The following NOP14 variants were observed in gnomAD, a reference collection of about 807,000 sequenced individuals.
The protein encoded by NOP14 is nucleolar protein 14.
NOP14 carries 57 observed loss-of-function variants against 101.6 expected under a neutral mutation model. The observed-to-expected ratio is 0.56, with a 90% CI of 0.45 to 0.70. The LOEUF is 0.70. NOP14 is among the 30% of genes least tolerant of loss of function. The probability of loss-of-function intolerance (pLI) is 0.00; values close to 1 mark genes in which losing one functional copy is unlikely to be tolerated. For missense variants in NOP14, 1,134 were observed against 1,075.5 expected, an observed-to-expected ratio of 1.05 and a Z score of -0.76; for synonymous variants, 428 against 424.0, an observed-to-expected ratio of 1.01 and a Z score of -0.12.
chr4:2,953,792 T>A lies in NOP14; in HGVS notation c.613-147A>T, dbSNP rs1348873709. The A allele has an allele frequency of 9.5e-6, 8 of 846,480 alleles. No homozygotes were observed. The East Asian group carries it at 2.0e-4, about 21-fold the overall frequency. The allele number at this position is 846,480 out of a possible 1,614,324, so 52.4% of individuals were successfully genotyped here. A position where few individuals can be genotyped will look rare whatever the true frequency, so the allele number is the denominator to read the frequency against. On this transcript the variant is annotated intron_variant, in intron 4 of 17. Coordinates refer to ENST00000416614, the MANE Select transcript of NOP14 (RefSeq NM_001291978.2). ...CAGAAAAGAGGCCAGGAGAAATGAG[T>A]ATTTTAAATGCAAAGCTACCAAATC...
Position 2,957,657 on chromosome 4 carries a change from G to C in NOP14, c.279C>G (p.Ser93Arg), listed in dbSNP as rs764907097. 4 of 1,614,096 alleles carry C rather than the reference G, an allele frequency of 2.5e-6. No individual in the cohort carries two copies. Among genetic ancestry groups the C allele is most frequent in the Non-Finnish European group, 3.4e-6 (4 of 1,179,992 alleles). Residue 93 changes from serine (S) to arginine (R), a missense_variant, in exon 2 of 18, where the codon AGC (serine) becomes AGG (arginine). By Grantham distance (110) the Ser-to-Arg change is moderately radical. Coordinates refer to ENST00000416614, the MANE Select transcript of NOP14 (RefSeq NM_001291978.2). ...TCATCTTCTCCTCGGGGCTCATGTT[G>C]CTGTTGTATTCTCCGAAGCGTTTAT... ...FRDKRFGEYN[S>R]NMSPEEKMMK...
At chr4:2,939,080 C>T in intron 17 of NOP14, 108 bp downstream of exon 17, 1 of 1,544,446 alleles carries the variant, frequency 6.5e-7, no homozygotes, top group Non-Finnish European at 8.9e-7. Context: ...CAACCCCCAG[C>T]CAGAGCCAAG....
At chr4:2,948,137 C>T (rs889921121) in intron 9 of NOP14, 141 bp downstream of exon 9, 2 of 1,114,064 alleles carry the variant, frequency 1.8e-6, no homozygotes, top group Non-Finnish European at 2.5e-6. Context: ...TCCCAGCCAT[C>T]ATCATAGGTA....
At chr4:2,951,538 C>T (rs1053760290) in intron 6 of NOP14, among the ~76,000 whole-genome samples, 11 of 152,212 alleles carry the variant, frequency 7.2e-5, no homozygotes, top group African/African-American at 2.7e-4. Flanking sequence ...TGGCCAGCCC[C>T]GACTGGGACT....
At chr4:2,943,359 A>G (rs938774861) in intron 13 of NOP14, among the ~76,000 whole-genome samples, 8 of 152,206 alleles carry the variant, frequency 5.3e-5, no homozygotes, top group African/African-American at 1.9e-4. Context: ...TTGAGGTCCA[A>G]CCTCTGGTCA....
chr4:2,940,297 C>T (rs1714058945), intron 15 of NOP14: 1 of 152,822 alleles, frequency 6.5e-6, no homozygotes. Flanking sequence ...CTTTCTCCTG[C>T]ACAGGTGTGT....
intron 9 of NOP14, 36 bp downstream of exon 9, chr4:2,948,242 C>T: frequency 6.4e-7 from 1 of 1,559,406 alleles, no homozygotes; most frequent in Non-Finnish European, 8.6e-7. Context: ...GCTATGCTGA[C>T]ACTCCCAGCG....
intron 13 of NOP14, 122 bp from the exon 14 acceptor site, chr4:2,942,473 T>C (rs1169869195): frequency 7.5e-6 from 8 of 1,060,784 alleles, no homozygotes; most frequent in Non-Finnish European, 1.1e-5. Context: ...TTTATGTTTC[T>C]GGGTTGTGCC....
intron 1 of NOP14, among the ~76,000 whole-genome samples, chr4:2,959,375 G>T (rs546592242): frequency 6.6e-6 from 1 of 152,098 alleles, no homozygotes; most frequent in Non-Finnish European, 1.5e-5. Flanking sequence ...GGCGGATCAC[G>T]AGGTTAGAAG....
intron 13 of NOP14, 107 bp downstream of exon 13, chr4:2,943,966 G>T: frequency 3.3e-6 from 3 of 911,270 alleles, no homozygotes; most frequent in Non-Finnish European, 5.0e-6. Flanking sequence ...CAGGTTGTGT[G>T]TTTCCTCTAC....
chr4:2,963,170 G>T lies in NOP14; in HGVS notation c.150C>A (p.His50Gln). ...GAGACACCCCGGGCAGTCCCACGTCGTGGCGCGTCTTCCGGCCCAGGATCT... is the reference window on the plus strand; with the variant it reads ...GAGACACCCCGGGCAGTCCCACGTCTTGGCGCGTCTTCCGGCCCAGGATCT... ...KFQILGRKTRHDVGLPGVSRA... is the reference protein window; with the variant it reads ...KFQILGRKTRQDVGLPGVSRA... The change falls in exon 1 of 18, where the codon CAC (histidine) becomes CAA (glutamine). Residue 50 changes from histidine to glutamine, a missense_variant. Coordinates refer to ENST00000416614, the MANE Select transcript of NOP14 (RefSeq NM_001291978.2). 6.3e-7 allele frequency: 1 copy of T among 1,579,438 alleles called. No homozygotes were observed. The highest frequency in any genetic ancestry group is 8.6e-7 in the Non-Finnish European group (1 of 1,165,588).
chr4:2,957,694 T>A lies in NOP14; in HGVS notation c.242A>T (p.Asn81Ile), dbSNP rs190154547. ...TCCGAAGCGTTTATCTCTGAATACATTGGATTTATCCCTTTCTTTGTACTC... is the reference window on the plus strand; with the variant it reads ...TCCGAAGCGTTTATCTCTGAATACAATGGATTTATCCCTTTCTTTGTACTC... ...LKEYKERDKS[N>I]VFRDKRFGEY... Residue 81 changes from asparagine to isoleucine, a missense_variant, in exon 2 of 18, where the codon AAT becomes ATT. Asn to Ile is a moderately radical substitution (Grantham distance 149, BLOSUM62 -3). Coordinates refer to ENST00000416614, the MANE Select transcript of NOP14 (RefSeq NM_001291978.2). 1 of 1,614,128 alleles carries A rather than the reference T, an allele frequency of 6.2e-7. No homozygotes were observed. Among genetic ancestry groups the A allele is most frequent in the African/African-American group, 1.3e-5 (1 of 75,060 alleles).
At chr4:2,954,679 G>T in intron 3 of NOP14, 116 bp from the exon 4 acceptor site, 2 of 1,287,168 alleles carry the variant, frequency 1.6e-6, no homozygotes, top group Non-Finnish European at 1.0e-6. Context: ...CCACATTTGA[G>T]AAAAAAATGC....
At position 2,953,459 on chromosome 4, in the gene NOP14, C is replaced by T. The variant is rs761866656; in HGVS notation, c.747+52G>A. The T allele has an allele frequency of 2.6e-5, 42 of 1,596,900 alleles. No homozygotes were observed. In the East Asian group the frequency reaches 3.8e-4, roughly 14 times the overall value. On this transcript the variant is annotated intron_variant, in intron 5 of 17. Transcript: ENST00000416614. Reference sequence around the variant, plus strand: ...CCCCAGCCCTTTCTCTGGAGAAAGTCGGTCACCCAAGCTCAGTGAGTGAAG... The same window carrying T: ...CCCCAGCCCTTTCTCTGGAGAAAGTTGGTCACCCAAGCTCAGTGAGTGAAG...
chr4:2,962,621 T>A (rs528690320), intron 1 of NOP14, among the ~76,000 whole-genome samples: 3 of 152,082 alleles, frequency 2.0e-5, no homozygotes, highest in South Asian at 4.1e-4. Flanking sequence ...TGCCTTAATT[T>A]TTTCACCAAC....
Position 2,951,130 on chromosome 4 carries a change from C to T in NOP14, c.986G>A (p.Arg329His), listed in dbSNP as rs143842679. The T allele has an allele frequency of 2.7e-5, 43 of 1,611,400 alleles. No homozygotes were observed. The highest frequency in any genetic ancestry group is 4.0e-5 in the African/African-American group (3 of 75,008). ...ACATCTTACTTTGTAGGAAAGCAAA[C>T]GCCTGTCATCTTTATCTAGCACGAA... ...DGFVLDKDDR[R>H]LLSYKDGKMN... Residue 329 changes from arginine to histidine, a missense_variant, in exon 7 of 18, where the codon CGT becomes CAT. Physicochemically the swap from Arg to His is conservative, Grantham distance 29. Coordinates refer to ENST00000416614, the MANE Select transcript of NOP14 (RefSeq NM_001291978.2).
In NOP14 at chr4:2,944,131, C is replaced by T. The variant is rs766156898; in HGVS notation, c.1833G>A (p.Glu611=). 2 of 1,613,862 alleles carry T rather than the reference C, an allele frequency of 1.2e-6. No individual in the cohort carries two copies. The highest frequency in any genetic ancestry group is 1.7e-6 in the Non-Finnish European group (2 of 1,179,862). The change falls in exon 13 of 18, where the codon GAG becomes GAA. Residue 611 remains glutamate, a synonymous_variant. Transcript: ENST00000416614. ...GAATCCCAAGAAGAAAATTAATAAG[C>T]TCAGGTATAAACCTCTGGGACAAAG... The part of the protein sequence containing the change: ...YVALSQRFIP[E]LINFLLGILY...
chr4:2,946,775 T>G (rs1405560808), intron 10 of NOP14: 2 of 539,824 alleles, frequency 3.7e-6, no homozygotes, highest in Non-Finnish European at 6.6e-6. Context: ...CAGCTCGATT[T>G]GTGGTACAGA....
intron 6 of NOP14, among the ~76,000 whole-genome samples, chr4:2,951,728 C>T (rs1267211413): frequency 6.6e-6 from 1 of 152,168 alleles, no homozygotes; most frequent in East Asian, 1.9e-4. Flanking sequence ...CTGTGGGAGG[C>T]CGTGGTGGGA....
Sources: allele counts gnomAD v4.1 joint callset (sites outside exome capture counted in the v4.1 genomes callset), GRCh38; gene constraint gnomAD v4.1.1; transcripts MANE v1.5; gene names NCBI Gene and HGNC (gene_info 2026-07-23, HGNC 2026-07-21).